Variants in RBPJ observed in about 807,000 individuals in gnomAD.
The protein encoded by RBPJ is recombining binding protein suppressor of hairless.
RBPJ carries 9 observed loss-of-function variants against 67.8 expected under a neutral mutation model. The observed-to-expected ratio is 0.13, with a 90% CI of 0.08 to 0.23. The LOEUF (loss-of-function observed/expected upper bound fraction) is 0.23. Ranked by LOEUF, RBPJ falls within the 10% of genes least tolerant of loss-of-function variation. The probability of loss-of-function intolerance (pLI) is 1.00; values close to 1 mark genes in which losing one functional copy is unlikely to be tolerated. For missense variants in RBPJ, 305 were observed against 595.6 expected (o/e 0.51, Z 5.08); for synonymous variants, 198 against 203.3 (o/e 0.97, Z 0.22).
chr4:26,269,036 A>G (rs186492850), intron 1 of RBPJ, among the ~76,000 whole-genome samples: 1 of 152,026 alleles, frequency 6.6e-6, no homozygotes, highest in Non-Finnish European at 1.5e-5. Context: ...CAACTGGCAA[A>G]TGCATGTGCT....
At chr4:26,201,278 G>C (rs1039326637) in intron 1 of RBPJ, among the ~76,000 whole-genome samples, 2 of 152,136 alleles carry the variant, frequency 1.3e-5, no homozygotes, top group African/African-American at 4.8e-5. Context: ...CAAACTTGTG[G>C]TATAATTAGG....
rs1485370939 is a variant in RBPJ at position 26,434,483 on chromosome 4, G to A, written c.*3476G>A. The A allele has an allele frequency of 6.6e-6, 1 of 152,226 alleles. No homozygotes were observed. Among genetic ancestry groups the A allele is most frequent in the Non-Finnish European group, 1.5e-5 (1 of 68,038 alleles). The allele number at this position is 152,226 out of a possible 1,614,324, so 9.4% of individuals were successfully genotyped here. The stretch of plus-strand genomic sequence containing the variant: ...TCTGATAAGTACTGAACAAATGTGT[G>A]TAATTTTCTGTGCCAGACTTATGAC... On this transcript the variant is annotated 3_prime_UTR_variant, in exon 11 of 11. Transcript: ENST00000355476.
intron 1 of RBPJ, among the ~76,000 whole-genome samples, chr4:26,193,677 C>T (rs1056052949): frequency 2.0e-5 from 3 of 152,148 alleles, no homozygotes; most frequent in African/African-American, 7.2e-5. Context: ...GAATTGCAAT[C>T]GCTGCTGTCA....
At chr4:26,115,730 G>A in the RBPJ span, among the ~76,000 whole-genome samples, 2 of 152,120 alleles carry the variant, frequency 1.3e-5, no homozygotes, top group Admixed American at 1.3e-4. Flanking sequence ...CTGTTTGCTG[G>A]CACATGTGAA....
chr4:26,190,072 A>G (rs1172438184), intron 1 of RBPJ, among the ~76,000 whole-genome samples: 1 of 152,286 alleles, frequency 6.6e-6, no homozygotes, highest in East Asian at 1.9e-4. Context: ...ATGAGCACTT[A>G]CTACATGCAG....
intron 1 of RBPJ, among the ~76,000 whole-genome samples, chr4:26,223,282 C>T (rs903274338): frequency 6.6e-6 from 1 of 152,080 alleles, no homozygotes; most frequent in African/African-American, 2.4e-5. Context: ...GAGGGACACT[C>T]ATGTGATAGG....
chr4:26,318,280 T>C (rs989324318), upstream of RBPJ, among the ~76,000 whole-genome samples: 1 of 152,132 alleles, frequency 6.6e-6, no homozygotes, highest in East Asian at 1.9e-4. Flanking sequence ...CACTGGTTCC[T>C]AGATAATGCC....
chr4:26,420,615 C>T lies in RBPJ; in HGVS notation c.386C>T (p.Ser129Phe). 6.2e-7 allele frequency: 1 copy of T among 1,613,958 alleles called. No homozygotes were observed. The highest frequency in any genetic ancestry group is 8.5e-7 in the Non-Finnish European group (1 of 1,179,888). The change falls in exon 5 of 11, where the codon TCT becomes TTT. Residue 129 changes from serine (S) to phenylalanine (F), a missense_variant. Coordinates refer to ENST00000355476, the MANE Select transcript of RBPJ (RefSeq NM_015874.6). ...DSDKRKHFML[S>F]VKMFYGNSDD... The stretch of plus-strand genomic sequence containing the variant: ...GACAAGCGAAAGCACTTCATGTTGT[C>T]TGTAAAGATGTTCTATGGCAACAGT...
intron 1 of RBPJ, among the ~76,000 whole-genome samples, chr4:26,380,192 A>C (rs774747910): frequency 7.2e-5 from 11 of 152,248 alleles, no homozygotes; most frequent in Non-Finnish European, 1.3e-4. Flanking sequence ...TGTATTTTCA[A>C]ATATTAACCT....
chr4:26,249,205 A>G (rs1720018486), intron 1 of RBPJ, among the ~76,000 whole-genome samples: 1 of 152,250 alleles, frequency 6.6e-6, no homozygotes, highest in Non-Finnish European at 1.5e-5. Flanking sequence ...AAGTCTCTTA[A>G]GTAAGCATTT....
the RBPJ span, among the ~76,000 whole-genome samples, chr4:26,127,236 G>A: frequency 3.3e-5 from 5 of 152,252 alleles, no homozygotes; most frequent in African/African-American, 1.2e-4. Context: ...GCACATCACA[G>A]CATCTGCTAC....
chr4:26,206,167 C>T (rs974809619), intron 1 of RBPJ, among the ~76,000 whole-genome samples: 9 of 152,160 alleles, frequency 5.9e-5, no homozygotes, highest in South Asian at 2.1e-4. Context: ...GAAAAGATTT[C>T]GAACATTCTA....
the RBPJ span, among the ~76,000 whole-genome samples, chr4:26,123,167 C>T: frequency 1.2e-4 from 18 of 152,106 alleles, no homozygotes; most frequent in African/African-American, 4.3e-4. Flanking sequence ...TACTGCACAC[C>T]TAGGCTATAT....
At chr4:26,291,694 A>G (rs376169635) in intron 1 of RBPJ, among the ~76,000 whole-genome samples, 1 of 149,950 alleles carries the variant, frequency 6.7e-6, no homozygotes, top group Non-Finnish European at 1.5e-5. Flanking sequence ...CTCCTGCCTC[A>G]GCCTCCTGAG....
At chr4:26,236,269 G>C (rs182169543) in intron 1 of RBPJ, among the ~76,000 whole-genome samples, 1 of 152,120 alleles carries the variant, frequency 6.6e-6, no homozygotes, top group Non-Finnish European at 1.5e-5. Flanking sequence ...TTATAGCTTC[G>C]ATGTCCTCAT....
At chr4:26,117,933 A>G in the RBPJ span, among the ~76,000 whole-genome samples, 2 of 152,052 alleles carry the variant, frequency 1.3e-5, no homozygotes, top group Admixed American at 1.3e-4. Flanking sequence ...TTATATATAT[A>G]TATTTGTGCA....
At position 26,433,942 on chromosome 4, in the gene RBPJ, TTC is replaced by T. The variant is rs113620477; in HGVS notation, c.*2937_*2938del. On this transcript the variant is annotated 3_prime_UTR_variant, in exon 11 of 11. Transcript: ENST00000355476. Reference sequence around the variant, plus strand: ...ATAGTATGTTTGAATTTTTAAAAAATTCTGTTTTAGAAATGTATCTTATGCTC... The same window carrying T: ...ATAGTATGTTTGAATTTTTAAAAAATTGTTTTAGAAATGTATCTTATGCTC... 81 of 152,332 alleles carry T rather than the reference TTC, an allele frequency of 5.3e-4. No individual in the cohort carries two copies. Among genetic ancestry groups the T allele is most frequent in the African/African-American group, 1.9e-3 (78 of 41,574 alleles). The allele number at this position is 152,332 out of a possible 1,614,324, so 9.4% of individuals were successfully genotyped here.
At chr4:26,117,201 C>A in the RBPJ span, among the ~76,000 whole-genome samples, 1 of 152,062 alleles carries the variant, frequency 6.6e-6, no homozygotes, top group Admixed American at 6.6e-5. Context: ...CTTAAGGAAA[C>A]CCTGTCCTTG....
chr4:26,141,309 G>A, the RBPJ span, among the ~76,000 whole-genome samples: 1 of 152,206 alleles, frequency 6.6e-6, no homozygotes, highest in African/African-American at 2.4e-5. Flanking sequence ...AAGCCTTCAG[G>A]AGAAAGAATG....
Sources: gnomAD v4.1 joint callset for allele counts (sites outside exome capture counted in the v4.1 genomes callset) on GRCh38, gnomAD v4.1.1 for gene constraint, MANE v1.5 for transcripts, NCBI Gene and HGNC (gene_info 2026-07-23, HGNC 2026-07-21) for gene names.